The following PRKN variants were observed in gnomAD, a reference collection of about 807,000 sequenced individuals.
The protein encoded by PRKN is parkin RBR E3 ubiquitin protein ligase.
A neutral mutation model predicts 59.5 loss-of-function variants in PRKN; 56 were observed. That is an observed-to-expected ratio of 0.94 (90% CI 0.76 to 1.18). The LOEUF is 1.18. Ranked by LOEUF, PRKN falls within the 50% of genes most tolerant of loss-of-function variation. The probability of loss-of-function intolerance (pLI) is 0.00; values close to 1 mark genes in which losing one functional copy is unlikely to be tolerated. For synonymous variants in PRKN, 250 were observed against 222.1 expected, an observed-to-expected ratio of 1.13 and a Z score of -1.12; for missense variants, 657 against 596.4, an observed-to-expected ratio of 1.10 and a Z score of -1.06.
intron 1 of PRKN, among the ~76,000 whole-genome samples, chr6:162,447,502 T>C (rs1166215806): frequency 6.6e-6 from 1 of 152,124 alleles, no homozygotes; most frequent in African/African-American, 2.4e-5. Flanking sequence ...TCAATCAACA[T>C]CATAATGCAC....
chr6:162,315,509 T>G (rs1014051584), intron 2 of PRKN, among the ~76,000 whole-genome samples: 16 of 152,194 alleles, frequency 1.1e-4, no homozygotes, highest in African/African-American at 3.6e-4. Flanking sequence ...ATTTCAAATT[T>G]GTTGTTCATC....
intron 9 of PRKN, among the ~76,000 whole-genome samples, chr6:161,412,973 G>A (rs889825757): frequency 6.6e-6 from 1 of 152,212 alleles, no homozygotes; most frequent in Non-Finnish European, 1.5e-5. Context: ...TGTGGCCTGT[G>A]CTGGAGAAGG....
At chr6:161,775,947 A>C (rs75821374) in intron 7 of PRKN, among the ~76,000 whole-genome samples, 1 of 152,230 alleles carries the variant, frequency 6.6e-6, no homozygotes, top group African/African-American at 2.4e-5. Flanking sequence ...GAAAACTAGA[A>C]TTACATGAAA....
intron 1 of PRKN, among the ~76,000 whole-genome samples, chr6:162,626,141 T>C (rs576936660): frequency 6.6e-5 from 10 of 152,344 alleles, no homozygotes; most frequent in African/African-American, 9.6e-5. Flanking sequence ...AGTGCAATCA[T>C]TGATTAGTGC....
At chr6:161,914,908 T>C (rs1778498435) in intron 6 of PRKN, among the ~76,000 whole-genome samples, 1 of 152,140 alleles carries the variant, frequency 6.6e-6, no homozygotes, top group Non-Finnish European at 1.5e-5. Flanking sequence ...TAAGGAACTC[T>C]AGGCATTCCT....
intron 10 of PRKN, among the ~76,000 whole-genome samples, chr6:161,364,168 C>CAAAAAAAAAAAAAAAAAAAAAAAAA (rs71004043): frequency 1.3e-5 from 1 of 74,452 alleles, no homozygotes; most frequent in Non-Finnish European, 2.8e-5. Context: ...GACTCCGTCT[C>CAAAAAAAAAAAAAAAAAAAAAAAAA]AAAAAAAAAA....
chr6:162,329,903 G>A (rs895724944), intron 2 of PRKN, among the ~76,000 whole-genome samples: 6 of 152,050 alleles, frequency 3.9e-5, no homozygotes, highest in African/African-American at 1.4e-4. Context: ...AACACTGAGG[G>A]ATCATCTTGT....
At chr6:161,374,556 G>GCA (rs1562403563) in intron 10 of PRKN, among the ~76,000 whole-genome samples, 1 of 78,412 alleles carries the variant, frequency 1.3e-5, no homozygotes, top group East Asian at 5.9e-4. Flanking sequence ...GGTGTGTGAT[G>GCA]TGTGTGTGGT....
chr6:162,309,616 T>C (rs1465177109), intron 2 of PRKN, among the ~76,000 whole-genome samples: 1 of 152,212 alleles, frequency 6.6e-6, no homozygotes, highest in Non-Finnish European at 1.5e-5. Flanking sequence ...CAAAAATCTT[T>C]CTACTTACAC....
At chr6:162,227,002 C>A (rs1206575791) in intron 3 of PRKN, among the ~76,000 whole-genome samples, 1 of 152,182 alleles carries the variant, frequency 6.6e-6, no homozygotes, top group Non-Finnish European at 1.5e-5. Flanking sequence ...GTGCTGACAG[C>A]CGGCTGGCTG....
intron 6 of PRKN, among the ~76,000 whole-genome samples, chr6:161,797,564 T>C (rs1445174363): frequency 6.6e-6 from 1 of 152,192 alleles, no homozygotes; most frequent in African/African-American, 2.4e-5. Flanking sequence ...CTGTGCCCAG[T>C]GGGCCTTTTA....
chr6:161,756,450 A>G (rs1211746693), intron 7 of PRKN, among the ~76,000 whole-genome samples: 4 of 148,078 alleles, frequency 2.7e-5, no homozygotes, highest in Admixed American at 6.7e-5. Context: ...TCGAAAAAAA[A>G]AAAAAAAAAA....
At chr6:161,905,502 A>G (rs919841778) in intron 6 of PRKN, among the ~76,000 whole-genome samples, 12 of 152,140 alleles carry the variant, frequency 7.9e-5, no homozygotes, top group African/African-American at 2.7e-4. Flanking sequence ...GGGATTCCCC[A>G]CGGGAGTGCT....
rs184272837 is a variant in PRKN at position 161,753,022 on chromosome 6, G to A, written c.871+32750C>T. 9.9e-5 allele frequency among the ~76,000 whole-genome samples: 15 copies of A among 152,216 alleles called. No individual in the cohort carries two copies. In the East Asian group the frequency reaches 1.7e-3, roughly 18 times the overall value. On this transcript the variant is annotated intron_variant, in intron 7 of 11. Coordinates refer to ENST00000366898, the MANE Select transcript of PRKN (RefSeq NM_004562.3). Reference sequence around the variant, plus strand: ...GTAAAGGGTGTGTGGGTTATGGTGCGGTTAGAATCAAGACCGACTTGGAAA... The same window carrying A: ...GTAAAGGGTGTGTGGGTTATGGTGCAGTTAGAATCAAGACCGACTTGGAAA...
intron 7 of PRKN, among the ~76,000 whole-genome samples, chr6:161,682,187 A>G (rs1785391260): frequency 1.3e-5 from 2 of 152,212 alleles, no homozygotes; most frequent in Non-Finnish European, 2.9e-5. Flanking sequence ...AGGCAGCTCC[A>G]CTGGGCATGG....
At chr6:161,985,725 C>T (rs576850745) in intron 5 of PRKN, among the ~76,000 whole-genome samples, 15 of 152,148 alleles carry the variant, frequency 9.9e-5, no homozygotes, top group Admixed American at 2.6e-4. Context: ...GCACACTGGC[C>T]GAGCAAGGCC....
At position 161,483,152 on chromosome 6, in the gene PRKN, G is replaced by A. The variant is rs73589795; in HGVS notation, c.1083+65702C>T. Reference sequence around the variant, plus strand: ...TGCAGATAAATGTTCTTTCCGGCTCGTGACAACTAACAATTGTGTTTCAAA... The same window carrying A: ...TGCAGATAAATGTTCTTTCCGGCTCATGACAACTAACAATTGTGTTTCAAA... On this transcript the variant is annotated intron_variant, in intron 9 of 11. Coordinates refer to ENST00000366898, the MANE Select transcript of PRKN (RefSeq NM_004562.3). The surrounding 1 kb of genome is among the most constrained non-coding windows in gnomAD (Gnocchi z 5.0). 0.014 allele frequency among the ~76,000 whole-genome samples: 2,066 copies of A among 144,848 alleles called. 49 individuals carry two copies. Among genetic ancestry groups the A allele is most frequent in the African/African-American group, 0.051 (1,970 of 38,874 alleles).
chr6:162,559,317 A>C (rs761826982), intron 1 of PRKN, among the ~76,000 whole-genome samples: 2 of 152,104 alleles, frequency 1.3e-5, no homozygotes, highest in Non-Finnish European at 2.9e-5. Flanking sequence ...TGCAGGTAAA[A>C]TTTTTGTTCT....
At chr6:161,695,830 T>C (rs1476604257) in intron 7 of PRKN, among the ~76,000 whole-genome samples, 1 of 152,140 alleles carries the variant, frequency 6.6e-6, no homozygotes, top group Non-Finnish European at 1.5e-5. Context: ...TGAGGAGGTG[T>C]TTTTCAATTC....
Sources: allele counts gnomAD v4.1 joint callset (sites outside exome capture counted in the v4.1 genomes callset), GRCh38; gene constraint gnomAD v4.1.1; non-coding constraint Gnocchi (gnomAD v3.1); transcripts MANE v1.5; gene names NCBI Gene and HGNC (gene_info 2026-07-23, HGNC 2026-07-21).